Variants in TTLL10 observed in about 807,000 individuals in gnomAD.
TTLL10 encodes tubulin tyrosine ligase like 10.
A neutral mutation model predicts 69.0 loss-of-function variants in TTLL10; 61 were observed. That is an observed-to-expected ratio of 0.88 (90% CI 0.72 to 1.09). The LOEUF is 1.09. TTLL10 is among the 50% of genes least tolerant of loss of function. The pLI is 0.00. For synonymous variants in TTLL10, 408 were observed against 393.3 expected (o/e 1.04, Z -0.44); for missense variants, 962 against 945.9 (o/e 1.02, Z -0.22).
At chr1:1,190,080 C>T (rs1647634415) in intron 13 of TTLL10, among the ~76,000 whole-genome samples, 1 of 151,080 alleles carries the variant, frequency 6.6e-6, no homozygotes. Flanking sequence ...CCACTGCACT[C>T]CAGCCTGGGG....
At position 1,180,082 on chromosome 1, in the gene TTLL10, G is replaced by A. The variant is rs772262149; in HGVS notation, c.248G>A (p.Arg83Gln). The A allele has an allele frequency of 1.4e-5, 22 of 1,604,648 alleles. No individual in the cohort carries two copies. The highest frequency in any genetic ancestry group is 5.3e-5 in the African/African-American group (4 of 74,826). The change falls in exon 6 of 16, where the codon CGG becomes CAG. Residue 83 changes from arginine to glutamine, a missense_variant. Physicochemically the swap from Arg to Gln is conservative, Grantham distance 43. Transcript: ENST00000379289. ...PMGSSQEEGL[R>Q]CQPSQPDHDA... is the part of the protein sequence containing the mutation. ...GGGAGCAGCCAGGAGGAGGGACTCC[G>A]GTGTCAGCCAAGCCAGCCAGACCAC...
At chr1:1,177,125 TGTAG>T (rs570089727) in intron 3 of TTLL10, among the ~76,000 whole-genome samples, 21 of 151,874 alleles carry the variant, frequency 1.4e-4, no homozygotes, top group African/African-American at 4.6e-4. Flanking sequence ...CGTGTCTGTG[TGTAG>T]GTGTCTGTAG....
chr1:1,179,703 C>A lies in TTLL10; in HGVS notation c.165C>A (p.Pro55=). ...TGCACCCAGCACCGGCCTCACAGCCCGGCCCCTGCCCTGCACCAGGCCACT... is the reference window on the plus strand; with the variant it reads ...TGCACCCAGCACCGGCCTCACAGCCAGGCCCCTGCCCTGCACCAGGCCACT... ...SRLHPAPASQ[P]GPCPAPGHCP... The change falls in exon 5 of 16, where the codon CCC becomes CCA. Residue 55 remains proline, a synonymous_variant. Transcript: ENST00000379289. 6.4e-7 allele frequency: 1 copy of A among 1,550,734 alleles called. No individual in the cohort carries two copies. The highest frequency in any genetic ancestry group is 8.7e-7 in the Non-Finnish European group (1 of 1,146,808).
rs1648319348 is a variant in TTLL10 at position 1,197,534 on chromosome 1, C to A, written c.1709C>A (p.Ala570Asp). ...TTCGTGCTCCTGCACAACGGTGAGG[C>A]CGACCCGCGGCCGCACCTGGGGGGC... Reference protein sequence around the residue: ...RRFVLLHNGEADPRPHLGGSC... With the variant: ...RRFVLLHNGEDDPRPHLGGSC... The change falls in exon 16 of 16, where the codon GCC (alanine) becomes GAC (aspartate). Residue 570 changes from alanine (A) to aspartate (D), a missense_variant. Physicochemically the swap from Ala to Asp is moderately radical, Grantham distance 126. Coordinates refer to ENST00000379289, the MANE Select transcript of TTLL10 (RefSeq NM_001130045.2). The A allele has an allele frequency of 2.0e-6, 3 of 1,530,432 alleles. No individual in the cohort carries two copies. The highest frequency in any genetic ancestry group is 1.8e-6 in the Non-Finnish European group (2 of 1,142,140). 94.8% of individuals were successfully genotyped at this position (1,530,432 alleles called of 1,614,324 possible). A position where few individuals can be genotyped will look rare whatever the true frequency, so the allele number is the denominator to read the frequency against.
intron 9 of TTLL10, among the ~76,000 whole-genome samples, chr1:1,182,145 G>T (rs1647089317): frequency 6.6e-6 from 1 of 152,248 alleles, no homozygotes; most frequent in Non-Finnish European, 1.5e-5. Flanking sequence ...CCCGGGTGGG[G>T]GTCAGCGGCC....
rs942150774 is a variant in TTLL10, at chr1:1,186,029, C to T, written c.1401+920C>T. Among the ~76,000 whole-genome samples the T allele has an allele frequency of 3.3e-5, 5 of 152,078 alleles. No homozygotes were observed. In the East Asian group the frequency reaches 9.6e-4, roughly 29 times the overall value. ...GATGGACCTTCTCTCTCTCTCCTGT[C>T]TCCTTTCTCTTACCGTGGTGTTTTC... On this transcript the variant is annotated intron_variant, in intron 13 of 15. Coordinates refer to ENST00000379289, the MANE Select transcript of TTLL10 (RefSeq NM_001130045.2).
chr1:1,190,474 C>A (rs1438223506), intron 13 of TTLL10, among the ~76,000 whole-genome samples: 1 of 150,726 alleles, frequency 6.6e-6, no homozygotes, highest in Non-Finnish European at 1.5e-5. Context: ...GTCGCCCAAG[C>A]TGGAGTGCAG....
chr1:1,188,771 T>C (rs575477615), intron 13 of TTLL10, among the ~76,000 whole-genome samples: 15 of 152,200 alleles, frequency 9.9e-5, no homozygotes, highest in Non-Finnish European at 1.8e-4. Flanking sequence ...CTTAACAATA[T>C]TTAGTCTTCC....
chr1:1,179,907 C>T (rs2100860545), intron 5 of TTLL10, 127 bp from the exon 6 acceptor site: 1 of 1,437,546 alleles, frequency 7.0e-7, no homozygotes, highest in Non-Finnish European at 9.1e-7. Flanking sequence ...GAACTTGAGC[C>T]CCAGACGGGC....
intron 4 of TTLL10, 90 bp downstream of exon 4, chr1:1,179,423 C>T (rs866512655): frequency 1.5e-6 from 2 of 1,342,868 alleles, no homozygotes; most frequent in Middle Eastern, 3.6e-4. Flanking sequence ...AGTCAGTCGG[C>T]CTCATGGGGC....
chr1:1,191,950 C>T (rs12061357), intron 13 of TTLL10, among the ~76,000 whole-genome samples: 15,337 of 152,322 alleles, frequency 0.1, 871 homozygotes, highest in East Asian at 0.15. Context: ...CCGCCCTGGG[C>T]GGGCCAGGTG....
At chr1:1,179,458 T>G in intron 4 of TTLL10, 125 bp downstream of exon 4, 1 of 1,218,742 alleles carries the variant, frequency 8.2e-7, no homozygotes, top group South Asian at 1.4e-5. Flanking sequence ...CACATGGCCA[T>G]GCCCCGCTGC....
intron 13 of TTLL10, among the ~76,000 whole-genome samples, chr1:1,191,563 T>C (rs748821147): frequency 6.6e-6 from 1 of 152,238 alleles, no homozygotes; most frequent in African/African-American, 2.4e-5. Flanking sequence ...AGGTGTATCC[T>C]GTTTTTGGGT....
rs560482723 is a variant in TTLL10 at position 1,183,318 on chromosome 1, G to A, written c.1088+271G>A. On this transcript the variant is annotated intron_variant, in intron 11 of 15. Transcript: ENST00000379289. ...CTGTCCTGCAGGTGGCCTGGCCTGGGTGGCCTCCCGGCTGCCAGCCCCCCT... is the reference window on the plus strand; with the variant it reads ...CTGTCCTGCAGGTGGCCTGGCCTGGATGGCCTCCCGGCTGCCAGCCCCCCT... 5.3e-5 allele frequency among the ~76,000 whole-genome samples: 8 copies of A among 152,312 alleles called. No homozygotes were observed. The East Asian group carries it at 1.4e-3, about 26-fold the overall frequency.
intron 14 of TTLL10, 150 bp from the exon 15 acceptor site, chr1:1,196,943 C>A: frequency 1.2e-6 from 1 of 842,608 alleles, no homozygotes. Context: ...AGCTTCAGAC[C>A]CTCAGAGCTT....
chr1:1,175,674 C>A (rs1041501317), intron 3 of TTLL10: 2 of 455,314 alleles, frequency 4.4e-6, no homozygotes, highest in Non-Finnish European at 8.9e-6. Flanking sequence ...GGGTGCTGTC[C>A]TGACATTACA....
At chr1:1,196,172 A>G (rs1648196373) in intron 13 of TTLL10, among the ~76,000 whole-genome samples, 1 of 152,190 alleles carries the variant, frequency 6.6e-6, no homozygotes, top group African/African-American at 2.4e-5. Flanking sequence ...AATGAGGTCT[A>G]TTTTGCTATC....
Position 1,197,818 on chromosome 1 carries a change from C to A in TTLL10, c.1993C>A (p.Arg665Ser). 1 of 1,509,424 alleles carries A rather than the reference C, an allele frequency of 6.6e-7. No individual in the cohort carries two copies. The highest frequency in any genetic ancestry group is 8.9e-7 in the Non-Finnish European group (1 of 1,128,110). The allele number at this position is 1,509,424 out of a possible 1,614,324, so 93.5% of individuals were successfully genotyped here. Residue 665 changes from arginine (R) to serine (S), a missense_variant, in exon 16 of 16, where the codon CGC (arginine) becomes AGC (serine). Transcript: ENST00000379289. ...EPSPGTAKEE[R>S]EEPENARP is the part of the protein sequence containing the mutation. ...TTCCCCGGGGACAGCCAAGGAGGAA[C>A]GCGAGGAGCCTGAGAACGCGAGGCC... is the stretch of plus-strand genomic sequence containing the variant.
chr1:1,197,490 T>C lies in TTLL10; in HGVS notation c.1665T>C (p.Pro555=), dbSNP rs899365391. Residue 555 remains proline (P), a synonymous_variant, in exon 16 of 16, where the codon CCT becomes CCC. Coordinates refer to ENST00000379289, the MANE Select transcript of TTLL10 (RefSeq NM_001130045.2). Reference sequence around the variant, plus strand: ...GCCTGCGCGGCCAGAAGATGTTGCCTCTGCTGTCCCAGCGCCGCTTCGTGC... The same window carrying C: ...GCCTGCGCGGCCAGAAGATGTTGCCCCTGCTGTCCCAGCGCCGCTTCGTGC... ...RKSLRGQKML[P]LLSQRRFVLL... The C allele has an allele frequency of 3.5e-5, 54 of 1,545,204 alleles. No homozygotes were observed. In the African/African-American group the frequency reaches 6.5e-4, roughly 18 times the overall value.
Sources: gnomAD v4.1 joint callset for allele counts (sites outside exome capture counted in the v4.1 genomes callset) on GRCh38, gnomAD v4.1.1 for gene constraint, MANE v1.5 for transcripts, NCBI Gene and HGNC (gene_info 2026-07-23, HGNC 2026-07-21) for gene names.